Variants in PDZRN4 observed in about 807,000 individuals in gnomAD.
The protein encoded by PDZRN4 is PDZ domain-containing RING finger protein 4.
PDZRN4 carries 70 observed loss-of-function variants against 99.0 expected under a neutral mutation model. The observed-to-expected ratio is 0.71, with a 90% CI of 0.58 to 0.86. The LOEUF (loss-of-function observed/expected upper bound fraction) is 0.86. Among genes scored for constraint, PDZRN4 ranks in the 40% least tolerant of loss-of-function variants. The probability of loss-of-function intolerance (pLI) is 0.00; values close to 1 mark genes in which losing one functional copy is unlikely to be tolerated. For synonymous variants in PDZRN4, 551 were observed against 501.6 expected (o/e 1.10, Z -1.32); for missense variants, 1,474 against 1,331.2 (o/e 1.11, Z -1.67).
intron 3 of PDZRN4, among the ~76,000 whole-genome samples, chr12:41,492,430 G>T (rs1937905596): frequency 6.6e-6 from 1 of 152,260 alleles, no homozygotes; most frequent in East Asian, 1.9e-4. Flanking sequence ...TACCTTAAGA[G>T]CAGAGAAGAT....
At chr12:41,503,732 T>TG (rs1938151893) in intron 3 of PDZRN4, among the ~76,000 whole-genome samples, 1 of 152,072 alleles carries the variant, frequency 6.6e-6, no homozygotes, top group African/African-American at 2.4e-5. Context: ...TGCCTTGTCT[T>TG]GGGGAAAAAA....
intron 9 of PDZRN4, among the ~76,000 whole-genome samples, chr12:41,570,290 T>G (rs1476825528): frequency 6.6e-6 from 1 of 152,202 alleles, no homozygotes; most frequent in African/African-American, 2.4e-5. Context: ...GTAGAAACAT[T>G]GCCTGTCACT....
chr12:41,505,994 G>A (rs559080049), intron 3 of PDZRN4, among the ~76,000 whole-genome samples: 40 of 152,074 alleles, frequency 2.6e-4, no homozygotes, highest in Admixed American at 4.6e-4. Flanking sequence ...CATGGTCTTG[G>A]ATTAAAACAT....
chr12:41,211,556 A>T (rs1950888885), intron 3 of PDZRN4, among the ~76,000 whole-genome samples: 1 of 151,930 alleles, frequency 6.6e-6, no homozygotes, highest in Non-Finnish European at 1.5e-5. Flanking sequence ...TTAGTCACTT[A>T]AACAGAGAGA....
intron 3 of PDZRN4, among the ~76,000 whole-genome samples, chr12:41,343,512 C>T (rs1463441905): frequency 6.6e-6 from 1 of 151,776 alleles, no homozygotes; most frequent in African/African-American, 2.4e-5. Flanking sequence ...ATGCCCAAAA[C>T]TATTAAAATT....
At chr12:41,232,251 A>G (rs1228752264) in intron 3 of PDZRN4, among the ~76,000 whole-genome samples, 1 of 152,102 alleles carries the variant, frequency 6.6e-6, no homozygotes, top group Non-Finnish European at 1.5e-5. Flanking sequence ...ATTTATTTTC[A>G]TAATAAAGCA....
chr12:41,535,503 C>A (rs769304647), intron 5 of PDZRN4, among the ~76,000 whole-genome samples: 3 of 152,166 alleles, frequency 2.0e-5, no homozygotes, highest in Admixed American at 2.0e-4. Flanking sequence ...TCAAGTGAGA[C>A]TTTTTTCCTT....
At chr12:41,280,451 C>G (rs539250161) in intron 3 of PDZRN4, among the ~76,000 whole-genome samples, 1 of 152,306 alleles carries the variant, frequency 6.6e-6, no homozygotes, top group East Asian at 1.9e-4. Context: ...GCCCAGCAAG[C>G]TCAGATCCAC....
chr12:41,215,947 T>C (rs770720765), intron 3 of PDZRN4, among the ~76,000 whole-genome samples: 6 of 151,976 alleles, frequency 3.9e-5, no homozygotes, highest in African/African-American at 7.2e-5. Flanking sequence ...AAGCATTTTG[T>C]AAATCATAAA....
chr12:41,558,379 T>C (rs538259413), intron 7 of PDZRN4, among the ~76,000 whole-genome samples: 1 of 152,350 alleles, frequency 6.6e-6, no homozygotes, highest in Admixed American at 6.5e-5. Context: ...TGTTGCCAGC[T>C]GGTACTTCTT....
chr12:41,327,002 A>T (rs1438913528), intron 3 of PDZRN4, among the ~76,000 whole-genome samples: 1 of 152,106 alleles, frequency 6.6e-6, no homozygotes, highest in Non-Finnish European at 1.5e-5. Context: ...TTTTTCAATC[A>T]GTTTCTCTCC....
chr12:41,424,793 T>C (rs1354982433), intron 3 of PDZRN4, among the ~76,000 whole-genome samples: 1 of 152,176 alleles, frequency 6.6e-6, no homozygotes, highest in Non-Finnish European at 1.5e-5. Context: ...TATGTGACTT[T>C]GTTACATTGG....
intron 3 of PDZRN4, among the ~76,000 whole-genome samples, chr12:41,413,745 T>G (rs1952418358): frequency 6.6e-6 from 1 of 152,166 alleles, no homozygotes; most frequent in Admixed American, 6.5e-5. Flanking sequence ...AGCAGATAGC[T>G]ATGTCTTGTT....
Position 41,552,672 on chromosome 12 carries a change from G to T in PDZRN4, c.1220G>T (p.Arg407Leu). ...DFEYEEVELC[R>L]VSSQEKLGLT... The stretch of plus-strand genomic sequence containing the variant: ...TTCTTTCAGGAGGTCGAGTTGTGTC[G>T]TGTTAGCAGTCAAGAGAAGCTGGGC... The change falls in exon 6 of 10, where the codon CGT becomes CTT. Residue 407 changes from arginine (R) to leucine (L), a missense_variant. Physicochemically the swap from Arg to Leu is moderately radical, Grantham distance 102. Transcript: ENST00000402685. The T allele has an allele frequency of 6.2e-7, 1 of 1,613,506 alleles. No homozygotes were observed. Among genetic ancestry groups the T allele is most frequent in the Non-Finnish European group, 8.5e-7 (1 of 1,179,534 alleles).
chr12:41,256,406 T>C (rs571145458), intron 3 of PDZRN4, among the ~76,000 whole-genome samples: 2 of 152,316 alleles, frequency 1.3e-5, no homozygotes. Context: ...TAAATACCTT[T>C]ATCCTCTGAG....
Position 41,572,948 on chromosome 12 carries a change from C to T in PDZRN4, c.2169C>T (p.Asp723=), listed in dbSNP as rs1939509468. 2.5e-6 allele frequency: 4 copies of T among 1,614,086 alleles called. No homozygotes were observed. Among genetic ancestry groups the T allele is most frequent in the Non-Finnish European group, 3.4e-6 (4 of 1,179,968 alleles). ...SIDMQRGKLD[D]IMEHPEKSDK... ...ATATGCAAAGGGGAAAGCTAGATGA[C>T]ATCATGGAGCATCCAGAAAAGTCTG... Residue 723 remains aspartate (D), a synonymous_variant, in exon 10 of 10, where the codon GAC becomes GAT. Coordinates refer to ENST00000402685, the MANE Select transcript of PDZRN4 (RefSeq NM_001164595.2).
intron 3 of PDZRN4, among the ~76,000 whole-genome samples, chr12:41,206,180 T>TAC (rs977862089): frequency 6.6e-6 from 1 of 151,960 alleles, no homozygotes; most frequent in Non-Finnish European, 1.5e-5. Flanking sequence ...GTATTTATGA[T>TAC]ACACACACAC....
intron 7 of PDZRN4, among the ~76,000 whole-genome samples, chr12:41,558,720 A>C (rs1367274908): frequency 6.6e-6 from 1 of 152,226 alleles, no homozygotes; most frequent in Non-Finnish European, 1.5e-5. Context: ...CCGCCTGATT[A>C]CTTTATATTC....
chr12:41,405,811 G>C (rs1287894902), intron 3 of PDZRN4, among the ~76,000 whole-genome samples: 2 of 152,144 alleles, frequency 1.3e-5, no homozygotes, highest in Non-Finnish European at 2.9e-5. Flanking sequence ...CATGGGTAGA[G>C]CTGGAGGCCA....
Sources: gnomAD v4.1 joint callset for allele counts (sites outside exome capture counted in the v4.1 genomes callset) on GRCh38, gnomAD v4.1.1 for gene constraint, MANE v1.5 for transcripts, NCBI Gene and HGNC (gene_info 2026-07-23, HGNC 2026-07-21) for gene names.